SP3: variants seen among roughly 807,000 people sequenced by gnomAD.
SP3 encodes the protein Sp3 transcription factor.
SP3 carries 10 observed loss-of-function variants against 70.3 expected under a neutral mutation model. The observed-to-expected ratio is 0.14, with a 90% CI of 0.09 to 0.24. The LOEUF (loss-of-function observed/expected upper bound fraction) is 0.24. Ranked by LOEUF, SP3 falls within the 10% of genes least tolerant of loss-of-function variation. SP3 has a pLI of 1.00. For missense variants in SP3, 825 were observed against 914.6 expected, an observed-to-expected ratio of 0.90 and a Z score of 1.26; for synonymous variants, 402 against 333.5, an observed-to-expected ratio of 1.21 and a Z score of -2.24.
At chr2:173,957,957 G>A (rs1439949647) in intron 3 of SP3, among the ~76,000 whole-genome samples, 1 of 152,102 alleles carries the variant, frequency 6.6e-6, no homozygotes, top group Non-Finnish European at 1.5e-5. Context: ...ACAATGTTAA[G>A]TCACCTTTCC....
rs1363013932 is a variant in SP3 at position 173,965,158 on chromosome 2, T to C, written c.7+7A>G. ...GCAGCAAGGGTTGCTCTCTCGGCTT[T>C]ACGTACCGGTCATAGTGTGTTTAGG... On this transcript the variant is annotated splice_region_variant and intron_variant, in intron 1 of 6. Transcript: ENST00000310015. 3 of 1,547,556 alleles carry C rather than the reference T, an allele frequency of 1.9e-6. No individual in the cohort carries two copies. The East Asian group carries it at 7.4e-5, about 38-fold the overall frequency.
chr2:173,964,824 C>A, intron 1 of SP3: 1 of 479,852 alleles, frequency 2.1e-6, no homozygotes. Context: ...CTCTCCTCCC[C>A]TTTCCCTTCG....
intron 5 of SP3, chr2:173,913,489 G>C (rs985147015): frequency 1.2e-5 from 4 of 325,356 alleles, no homozygotes; most frequent in Non-Finnish European, 2.2e-5. Flanking sequence ...TGTGATTGTT[G>C]TCCAAATGTA....
chr2:173,919,868 A>C (rs1443038625), intron 4 of SP3, among the ~76,000 whole-genome samples: 1 of 152,206 alleles, frequency 6.6e-6, no homozygotes, highest in Admixed American at 6.5e-5. Flanking sequence ...CACAACCTAC[A>C]GAAATGCATA....
Position 173,907,128 on chromosome 2 carries a change from G to C in SP3, c.*2813C>G, listed in dbSNP as rs1396423247. ...TTAAGCCTCAATCTATAGAAAATGA[G>C]ATGCTCTTTAAGTGATACTTTCTTA... On this transcript the variant is annotated 3_prime_UTR_variant, in exon 7 of 7. Coordinates refer to ENST00000310015, the MANE Select transcript of SP3 (RefSeq NM_003111.5). 3 of 152,146 alleles carry C rather than the reference G, an allele frequency of 2.0e-5. No homozygotes were observed. The highest frequency in any genetic ancestry group is 4.4e-5 in the Non-Finnish European group (3 of 67,992). The allele number at this position is 152,146 out of a possible 1,614,324, so 9.4% of individuals were successfully genotyped here.
chr2:173,961,359 T>G (rs1188365892), intron 3 of SP3, among the ~76,000 whole-genome samples: 1 of 152,194 alleles, frequency 6.6e-6, no homozygotes, highest in Non-Finnish European at 1.5e-5. Context: ...CAAGGCCCTT[T>G]TAATCTCAAA....
intron 3 of SP3, chr2:173,962,884 T>C (rs1204777658): frequency 6.6e-6 from 1 of 152,234 alleles, no homozygotes; most frequent in African/African-American, 2.4e-5. Context: ...CCTATCCTAT[T>C]GGTATTAACC....
intron 4 of SP3, among the ~76,000 whole-genome samples, chr2:173,919,194 T>C (rs945661040): frequency 6.6e-6 from 1 of 152,174 alleles, no homozygotes; most frequent in Non-Finnish European, 1.5e-5. Flanking sequence ...TAAAGAGATG[T>C]TACAAGATTA....
chr2:173,955,417 A>C lies in SP3; in HGVS notation c.1095T>G (p.Ser365=). The C allele has an allele frequency of 6.2e-7, 1 of 1,614,166 alleles. No individual in the cohort carries two copies. The highest frequency in any genetic ancestry group is 1.1e-5 in the South Asian group (1 of 91,086). Residue 365 remains serine, a synonymous_variant, in exon 4 of 7, where the codon TCT becomes TCG. Coordinates refer to ENST00000310015, the MANE Select transcript of SP3 (RefSeq NM_003111.5). ...SLTTSSGQVH[S]SDLQGNYIQS... ...GGATATAATTTCCCTGAAGATCTGA[A>C]GAATGAACCTGCCCACTAGATGTAG...
chr2:173,953,010 TG>T (rs1559107216), intron 4 of SP3, among the ~76,000 whole-genome samples: 1 of 152,222 alleles, frequency 6.6e-6, no homozygotes, highest in Non-Finnish European at 1.5e-5. Context: ...TTACAACCAG[TG>T]AATTGTATAA....
At chr2:173,945,365 T>C (rs972687223) in intron 4 of SP3, among the ~76,000 whole-genome samples, 1 of 152,124 alleles carries the variant, frequency 6.6e-6, no homozygotes, top group African/African-American at 2.4e-5. Context: ...CACCTCAAAG[T>C]TTCTAAATTG....
intron 6 of SP3, among the ~76,000 whole-genome samples, chr2:173,911,813 CTTTTTTTTTTTTTTT>C (rs11448837): frequency 7.4e-4 from 73 of 98,024 alleles, no homozygotes; most frequent in Non-Finnish European, 1.1e-3. Flanking sequence ...TTTTATCTAC[CTTTTTTTTTTTTTTT>C]TTTTTTTTGA....
chr2:173,956,296 C>A, intron 3 of SP3, 64 bp from the exon 4 acceptor site: 1 of 1,495,192 alleles, frequency 6.7e-7, no homozygotes, highest in South Asian at 1.4e-5. Flanking sequence ...TCAAAAAATT[C>A]TAAAAACTGG....
rs920534365 is a variant in SP3 at position 173,918,496 on chromosome 2, T to C, written c.1832+97A>G. Reference sequence around the variant, plus strand: ...ACACACACCAAAAATGATCATGTAATAATTTCTCATAATTAAATGACATAG... The same window carrying C: ...ACACACACCAAAAATGATCATGTAACAATTTCTCATAATTAAATGACATAG... On this transcript the variant is annotated intron_variant, in intron 5 of 6. Coordinates refer to ENST00000310015, the MANE Select transcript of SP3 (RefSeq NM_003111.5). The C allele has an allele frequency of 1.1e-5, 14 of 1,235,776 alleles. No homozygotes were observed. In the African/African-American group the frequency reaches 2.1e-4, roughly 19 times the overall value. 76.6% of individuals were successfully genotyped at this position (1,235,776 alleles called of 1,614,324 possible). A position where few individuals can be genotyped will look rare whatever the true frequency, so the allele number is the denominator to read the frequency against.
At chr2:173,947,638 C>A (rs906147581) in intron 4 of SP3, among the ~76,000 whole-genome samples, 1 of 152,200 alleles carries the variant, frequency 6.6e-6, no homozygotes, top group East Asian at 1.9e-4. Flanking sequence ...TGCAAGCATA[C>A]TGATTTTCAA....
At chr2:173,953,465 A>C (rs182710963) in intron 4 of SP3, among the ~76,000 whole-genome samples, 1 of 151,866 alleles carries the variant, frequency 6.6e-6, no homozygotes, top group Non-Finnish European at 1.5e-5. Context: ...GTAATCCCAG[A>C]ACTTTGGGAG....
intron 6 of SP3, among the ~76,000 whole-genome samples, chr2:173,910,942 ACT>A (rs1442739882): frequency 6.6e-6 from 1 of 152,176 alleles, no homozygotes; most frequent in Non-Finnish European, 1.5e-5. Context: ...TTGAAGACCG[ACT>A]CTGCAAGATT....
chr2:173,961,646 T>G (rs1243858846), intron 3 of SP3, among the ~76,000 whole-genome samples: 1 of 152,218 alleles, frequency 6.6e-6, no homozygotes, highest in Non-Finnish European at 1.5e-5. Flanking sequence ...AACTTTTCTA[T>G]AAATTTAAAA....
At chr2:173,965,476 G>C, upstream of SP3, 1 of 351,062 alleles carries the variant, frequency 2.8e-6, no homozygotes, top group East Asian at 5.1e-5. Flanking sequence ...GGTCTGCCAG[G>C]CGGCGCGCTT....
Sources: allele counts gnomAD v4.1 joint callset (sites outside exome capture counted in the v4.1 genomes callset), GRCh38; gene constraint gnomAD v4.1.1; transcripts MANE v1.5; gene names NCBI Gene and HGNC (gene_info 2026-07-23, HGNC 2026-07-21).